Variants in UBA6 observed in about 807,000 individuals in gnomAD.
UBA6 encodes the protein ubiquitin-like modifier-activating enzyme 6.
Under a neutral mutation model 148.3 loss-of-function variants are expected in UBA6, and 87 were observed. That is an observed-to-expected ratio of 0.59 (90% CI 0.49 to 0.70). The LOEUF is 0.70. Ranked by LOEUF, UBA6 falls within the 30% of genes least tolerant of loss-of-function variation. The pLI is 0.00. For missense variants in UBA6, 1,186 were observed against 1,241.2 expected, an observed-to-expected ratio of 0.96 and a Z score of 0.67; for synonymous variants, 376 against 401.0, an observed-to-expected ratio of 0.94 and a Z score of 0.75.
chr4:67,646,919 A>G (rs994023008), intron 14 of UBA6, 128 bp from the exon 15 acceptor site: 1 of 275,068 alleles, frequency 3.6e-6, no homozygotes, highest in Non-Finnish European at 6.5e-6. Flanking sequence ...AGAGTAAAAT[A>G]TTTAAAAATA....
At chr4:67,645,368 A>C (rs904333774) in intron 16 of UBA6, among the ~76,000 whole-genome samples, 9 of 152,188 alleles carry the variant, frequency 5.9e-5, no homozygotes, top group African/African-American at 1.9e-4. Context: ...TGGGAAGCTG[A>C]GGAGAGTGGA....
chr4:67,655,195 T>C (rs1046347530), intron 13 of UBA6, among the ~76,000 whole-genome samples: 2 of 152,192 alleles, frequency 1.3e-5, no homozygotes, highest in African/African-American at 4.8e-5. Context: ...GTGGACCTAA[T>C]AGACATCTAC....
At chr4:67,695,884 C>A (rs1159713096) in intron 2 of UBA6, among the ~76,000 whole-genome samples, 2 of 152,116 alleles carry the variant, frequency 1.3e-5, no homozygotes, top group African/African-American at 4.8e-5. Context: ...ATTATTGACT[C>A]TGCATCTTTT....
intron 13 of UBA6, among the ~76,000 whole-genome samples, chr4:67,657,826 C>CAAAAAAAAAAAAAAAAAAAAAA (rs57984969): frequency 1.7e-5 from 2 of 115,146 alleles, no homozygotes; most frequent in Admixed American, 9.1e-5. Flanking sequence ...AACAAATTTA[C>CAAAAAAAAAAAAAAAAAAAAAA]AAAAAAAAAA....
chr4:67,625,025 A>G lies in UBA6; in HGVS notation c.2681T>C (p.Ile894Thr). 1 of 1,611,128 alleles carries G rather than the reference A, an allele frequency of 6.2e-7. No individual in the cohort carries two copies. The highest frequency in any genetic ancestry group is 8.5e-7 in the Non-Finnish European group (1 of 1,177,858). The change falls in exon 29 of 33, where the codon ATA (isoleucine) becomes ACA (threonine). Residue 894 changes from isoleucine (I) to threonine (T), a missense_variant. Ile to Thr is a moderately conservative substitution (Grantham distance 89, BLOSUM62 -1). Coordinates refer to ENST00000322244, the MANE Select transcript of UBA6 (RefSeq NM_018227.6). ...KRIAGKIIPA[I>T]ATTTATVSGL... ...AGAAACTGTAGCAGTGGTTGTTGCT[A>G]TAGCAGGTATAATTTTACCAGCTAT...
At chr4:67,643,233 T>A in intron 17 of UBA6, among the ~76,000 whole-genome samples, 1 of 151,798 alleles carries the variant, frequency 6.6e-6, no homozygotes, top group Non-Finnish European at 1.5e-5. Context: ...AAAAATTCTA[T>A]TATTGGTAGC....
chr4:67,623,253 A>T (rs1175491511), intron 30 of UBA6, 31 bp from the exon 31 acceptor site: 1 of 1,553,218 alleles, frequency 6.4e-7, no homozygotes, highest in Non-Finnish European at 8.9e-7. Context: ...GAACAGAAAC[A>T]TTGAAATTTT....
chr4:67,660,482 C>A (rs898764106), intron 13 of UBA6, among the ~76,000 whole-genome samples: 2 of 152,196 alleles, frequency 1.3e-5, no homozygotes, highest in Non-Finnish European at 2.9e-5. Context: ...AGGGGACAAG[C>A]CCTAAGCCTT....
At chr4:67,663,819 T>C in intron 11 of UBA6, 66 bp downstream of exon 11, 1 of 1,362,368 alleles carries the variant, frequency 7.3e-7, no homozygotes, top group Non-Finnish European at 1.1e-6. Flanking sequence ...TTTAACTTCA[T>C]AATCACTCAC....
chr4:67,675,363 C>T (rs1013014783), intron 6 of UBA6, among the ~76,000 whole-genome samples: 2 of 152,104 alleles, frequency 1.3e-5, no homozygotes, highest in East Asian at 3.8e-4. Flanking sequence ...TATTTAATCC[C>T]TTCTTTTACG....
At chr4:67,638,023 G>A (rs1160364695) in intron 19 of UBA6, among the ~76,000 whole-genome samples, 1 of 151,940 alleles carries the variant, frequency 6.6e-6, no homozygotes, top group Non-Finnish European at 1.5e-5. Context: ...ACTAGATGAA[G>A]AGTAGATAGG....
Position 67,694,215 on chromosome 4 carries a change from CAAAAAAAAAAAAAAAAA to C in UBA6, c.134+2413_134+2429del, listed in dbSNP as rs769649769. Among the ~76,000 whole-genome samples the C allele has an allele frequency of 2.5e-3, 103 of 41,886 alleles. 2 individuals carry two copies. The highest frequency in any genetic ancestry group is 3.3e-3 in the Non-Finnish European group (82 of 24,856). The allele number at this position is 41,886 out of a possible 152,430, so 27.5% of individuals were successfully genotyped here. On this transcript the variant is annotated intron_variant, in intron 2 of 32. Coordinates refer to ENST00000322244, the MANE Select transcript of UBA6 (RefSeq NM_018227.6). ...TGGATGACAGAGCAAGACTCCATCTCAAAAAAAAAAAAAAAAAAAAAAAAAAAAAGAAAAAATACAAA... is the reference window on the plus strand; with the variant it reads ...TGGATGACAGAGCAAGACTCCATCTCAAAAAAAAAAAAGAAAAAATACAAA...
chr4:67,621,798 C>T (rs1728757725), intron 32 of UBA6, among the ~76,000 whole-genome samples: 1 of 152,172 alleles, frequency 6.6e-6, no homozygotes. Context: ...CAGTGAGACT[C>T]CGTCTCAAAA....
chr4:67,656,761 T>G (rs570474871), intron 13 of UBA6, among the ~76,000 whole-genome samples: 1 of 152,354 alleles, frequency 6.6e-6, no homozygotes, highest in Non-Finnish European at 1.5e-5. Flanking sequence ...GCAGATGACC[T>G]GATTGTATAT....
intron 13 of UBA6, among the ~76,000 whole-genome samples, chr4:67,660,768 A>C (rs1426024658): frequency 1.3e-5 from 2 of 152,140 alleles, no homozygotes; most frequent in Non-Finnish European, 2.9e-5. Context: ...GATCCAACGA[A>C]AGCTTGGACC....
intron 14 of UBA6, among the ~76,000 whole-genome samples, chr4:67,648,484 TA>T (rs1034404727): frequency 3.4e-5 from 5 of 146,096 alleles, no homozygotes; most frequent in Non-Finnish European, 4.5e-5. Flanking sequence ...AAAAAAAAAT[TA>T]AAAAAAAAAG....
intron 1 of UBA6, among the ~76,000 whole-genome samples, chr4:67,699,683 C>A (rs1028680285): frequency 6.6e-6 from 1 of 152,182 alleles, no homozygotes; most frequent in Admixed American, 6.5e-5. Context: ...TCACTGCAGC[C>A]TCGATCTCTC....
At chr4:67,667,112 C>T (rs934008716) in intron 9 of UBA6, among the ~76,000 whole-genome samples, 6 of 152,062 alleles carry the variant, frequency 3.9e-5, no homozygotes, top group Non-Finnish European at 7.4e-5. Flanking sequence ...TTTATACAAG[C>T]AGCCTCATAA....
At chr4:67,685,690 A>G (rs1035207564) in intron 2 of UBA6, among the ~76,000 whole-genome samples, 1 of 152,020 alleles carries the variant, frequency 6.6e-6, no homozygotes, top group Non-Finnish European at 1.5e-5. Context: ...TGAGGGCTCT[A>G]CCCTCGTGAA....
Sources: allele counts gnomAD v4.1 joint callset (sites outside exome capture counted in the v4.1 genomes callset), GRCh38; gene constraint gnomAD v4.1.1; transcripts MANE v1.5; gene names NCBI Gene and HGNC (gene_info 2026-07-23, HGNC 2026-07-21).